The following LYRM2 variants were observed in gnomAD, a reference collection of about 807,000 sequenced individuals.
LYRM2 encodes the protein LYR motif containing 2.
In LYRM2, 8 loss-of-function variants were observed where a neutral mutation model predicts 11.6. The ratio of observed to expected loss-of-function variants is 0.69; its 90% CI spans 0.40 to 1.24. The LOEUF (loss-of-function observed/expected upper bound fraction) is 1.24, where lower values mean the gene tolerates loss of function less well. Ranked by LOEUF, LYRM2 falls within the 50% of genes most tolerant of loss-of-function variation. The probability of loss-of-function intolerance (pLI) is 0.01; values close to 1 mark genes in which losing one functional copy is unlikely to be tolerated. For missense variants in LYRM2, 117 were observed against 102.9 expected, an observed-to-expected ratio of 1.14 and a Z score of -0.59; for synonymous variants, 30 against 36.4, an observed-to-expected ratio of 0.83 and a Z score of 0.63.
At position 89,635,183 on chromosome 6, in the gene LYRM2, A is replaced by G. The variant is rs1375775972; in HGVS notation, c.*2090T>C. On this transcript the variant is annotated 3_prime_UTR_variant, in exon 3 of 3. Transcript: ENST00000523377. ...ACCACTGTTAGGAAGAGCATCATTA[A>G]ATCACTGACTTCTACACCCATAAAA... 6.6e-6 allele frequency: 1 copy of G among 152,200 alleles called. No homozygotes were observed. Among genetic ancestry groups the G allele is most frequent in the East Asian group, 1.9e-4 (1 of 5,200 alleles). The allele number at this position is 152,200 out of a possible 1,614,324, so 9.4% of individuals were successfully genotyped here.
At chr6:89,638,377 C>T in intron 1 of LYRM2, 2 of 1,336,694 alleles carry the variant, frequency 1.5e-6, no homozygotes, top group Non-Finnish European at 1.9e-6. Flanking sequence ...TTGCTGTTTG[C>T]CACAGCTCAG....
At chr6:89,638,039 A>G (rs1174127996) in intron 1 of LYRM2, among the ~76,000 whole-genome samples, 157 bp from the exon 2 acceptor site, 1 of 152,122 alleles carries the variant, frequency 6.6e-6, no homozygotes, top group Non-Finnish European at 1.5e-5. Flanking sequence ...GGCCAGATGC[A>G]GTGGCTCAGG....
rs1459254648 is a variant in LYRM2 at position 89,633,268 on chromosome 6, G to A, written c.*4005C>T. The A allele has an allele frequency of 6.6e-6, 1 of 152,214 alleles. No individual in the cohort carries two copies. Among genetic ancestry groups the A allele is most frequent in the East Asian group, 1.9e-4 (1 of 5,196 alleles). The allele number at this position is 152,214 out of a possible 1,614,324, so 9.4% of individuals were successfully genotyped here. ...GGCTCAGTCAGCATCCTCACCCAGA[G>A]ATGGCAACATCTATTAAGACCAATG... On this transcript the variant is annotated 3_prime_UTR_variant, in exon 3 of 3. Transcript: ENST00000523377.
rs917848406 is a variant in LYRM2 at position 89,636,680 on chromosome 6, G to GTTTTTTT, written c.*586_*592dup. 7.7e-6 allele frequency: 1 copy of GTTTTTTT among 129,504 alleles called. No individual in the cohort carries two copies. The allele number at this position is 129,504 out of a possible 1,614,324, so 8.0% of individuals were successfully genotyped here. A position where few individuals can be genotyped will look rare whatever the true frequency, so the allele number is the denominator to read the frequency against. ...TCTAGTGAATGTGAATCTCAGGGTTGTTTTTTTTTTTTTTTTTTAGAGACT... is the reference window on the plus strand; with the variant it reads ...TCTAGTGAATGTGAATCTCAGGGTTGTTTTTTTTTTTTTTTTTTTTTTTTTAGAGACT... On this transcript the variant is annotated 3_prime_UTR_variant, in exon 3 of 3. Transcript: ENST00000523377.
In LYRM2 at chr6:89,636,238, A is replaced by G. The variant is rs953458780; in HGVS notation, c.*1035T>C. On this transcript the variant is annotated 3_prime_UTR_variant, in exon 3 of 3. Coordinates refer to ENST00000523377, the MANE Select transcript of LYRM2 (RefSeq NM_020466.5). ...GTTGTGCAGCCTACACCACAAGCTAACTGTAGGATATTTTCATCACCCTGA... is the reference window on the plus strand; with the variant it reads ...GTTGTGCAGCCTACACCACAAGCTAGCTGTAGGATATTTTCATCACCCTGA... 2 of 152,338 alleles carry G rather than the reference A, an allele frequency of 1.3e-5. No individual in the cohort carries two copies. Among genetic ancestry groups the G allele is most frequent in the African/African-American group, 4.8e-5 (2 of 41,570 alleles). 9.4% of individuals were successfully genotyped at this position (152,338 alleles called of 1,614,324 possible). A position where few individuals can be genotyped will look rare whatever the true frequency, so the allele number is the denominator to read the frequency against.
chr6:89,632,705 C>A lies in LYRM2; in HGVS notation c.*4568G>T, dbSNP rs979733889. 1 of 152,162 alleles carries A rather than the reference C, an allele frequency of 6.6e-6. No homozygotes were observed. The highest frequency in any genetic ancestry group is 3.2e-3 in the Middle Eastern group (1 of 316). The allele number at this position is 152,162 out of a possible 1,614,324, so 9.4% of individuals were successfully genotyped here. A position where few individuals can be genotyped will look rare whatever the true frequency, so the allele number is the denominator to read the frequency against. On this transcript the variant is annotated 3_prime_UTR_variant, in exon 3 of 3. Coordinates refer to ENST00000523377, the MANE Select transcript of LYRM2 (RefSeq NM_020466.5). ...AACTACTACGCAGGTAGACAGTCTT[C>A]CCCCAGAGACTCATTAGATTGCAAT... is the stretch of plus-strand genomic sequence containing the variant.
At chr6:89,637,435 G>A in intron 2 of LYRM2, 82 bp from the exon 3 acceptor site, 1 of 886,816 alleles carries the variant, frequency 1.1e-6, no homozygotes, top group South Asian at 1.6e-5. Context: ...TTAAAATCAA[G>A]AACCAATACT....
intron 2 of LYRM2, 69 bp from the exon 3 acceptor site, chr6:89,637,422 C>G: frequency 9.7e-7 from 1 of 1,035,296 alleles, no homozygotes; most frequent in Non-Finnish European, 1.4e-6. Flanking sequence ...ACCATTTTAT[C>G]TGTTAAAATC....
chr6:89,638,220 G>T, intron 1 of LYRM2: 2 of 976,088 alleles, frequency 2.0e-6, no homozygotes, highest in Non-Finnish European at 2.6e-6. Flanking sequence ...TGATCTTTTT[G>T]CTTACTGCTC....
Position 89,637,280 on chromosome 6 carries a change from T to A in LYRM2, c.260A>T (p.Lys87Ile). Reference sequence around the variant, plus strand: ...TTCAGAATAATGCTATAGTTAAGATTTTGCTAAAGCAAGTGTTTTTTCTAA... The same window carrying A: ...TTCAGAATAATGCTATAGTTAAGATATTGCTAAAGCAAGTGTTTTTTCTAA... ...KELEKTLALA[K>I]S The change falls in exon 3 of 3, where the codon AAA becomes ATA. Residue 87 changes from lysine to isoleucine, a missense_variant. Physicochemically the swap from Lys to Ile is moderately radical, Grantham distance 102. Transcript: ENST00000523377. The A allele has an allele frequency of 6.7e-7, 1 of 1,499,340 alleles. No homozygotes were observed. The highest frequency in any genetic ancestry group is 1.4e-5 in the African/African-American group (1 of 72,694). 92.9% of individuals were successfully genotyped at this position (1,499,340 alleles called of 1,614,324 possible).
At position 89,638,695 on chromosome 6, in the gene LYRM2, G is replaced by A. The variant is rs1011408373; in HGVS notation, c.22C>T (p.Pro8Ser). ...ACCTGCTTTAACGTTAGCGTCGCTG[G>A]GGGTAAGCGGGAAGCAGCCATGTCC... is the stretch of plus-strand genomic sequence containing the variant. MAASRLP[P>S]ATLTLKQFVR... Residue 8 changes from proline (P) to serine (S), a missense_variant, in exon 1 of 3, where the codon CCA (proline) becomes TCA (serine). Pro to Ser is a moderately conservative substitution (Grantham distance 74). Transcript: ENST00000523377. 3 of 1,614,144 alleles carry A rather than the reference G, an allele frequency of 1.9e-6. No individual in the cohort carries two copies. Among genetic ancestry groups the A allele is most frequent in the South Asian group, 1.1e-5 (1 of 91,090 alleles).
At position 89,635,533 on chromosome 6, in the gene LYRM2, C is replaced by CA. The variant is rs774249850; in HGVS notation, c.*1739dup. ...ACATCCACATTCAGTTGATGCCTCTCAGACACAGTCCAGTACTGGATACCA... is the reference window on the plus strand; with the variant it reads ...ACATCCACATTCAGTTGATGCCTCTCAAGACACAGTCCAGTACTGGATACCA... On this transcript the variant is annotated 3_prime_UTR_variant, in exon 3 of 3. Coordinates refer to ENST00000523377, the MANE Select transcript of LYRM2 (RefSeq NM_020466.5). 1 of 152,284 alleles carries CA rather than the reference C, an allele frequency of 6.6e-6. No homozygotes were observed. The highest frequency in any genetic ancestry group is 1.5e-5 in the Non-Finnish European group (1 of 68,108). 9.4% of individuals were successfully genotyped at this position (152,284 alleles called of 1,614,324 possible). A position where few individuals can be genotyped will look rare whatever the true frequency, so the allele number is the denominator to read the frequency against.
rs950345772 is a variant in LYRM2 at position 89,632,244 on chromosome 6, G to T, written c.*5029C>A. 6.6e-6 allele frequency: 1 copy of T among 152,138 alleles called. No individual in the cohort carries two copies. The highest frequency in any genetic ancestry group is 1.5e-5 in the Non-Finnish European group (1 of 68,014). The allele number at this position is 152,138 out of a possible 1,614,324, so 9.4% of individuals were successfully genotyped here. A position where few individuals can be genotyped will look rare whatever the true frequency, so the allele number is the denominator to read the frequency against. On this transcript the variant is annotated 3_prime_UTR_variant, in exon 3 of 3. Transcript: ENST00000523377. ...GCTCATTGAGCCAAAGAGAAGAAAT[G>T]ATTTATTAACATGGGGACACCAAGA...
At chr6:89,638,155 AG>A (rs1287884435) in intron 1 of LYRM2, 1 of 643,248 alleles carries the variant, frequency 1.6e-6, no homozygotes, top group Non-Finnish European at 2.2e-6. Flanking sequence ...AGCCTGGGCG[AG>A]AGTGAGGCCC....
intron 1 of LYRM2, chr6:89,638,140 C>T: frequency 1.6e-6 from 1 of 609,476 alleles, no homozygotes; most frequent in Non-Finnish European, 2.5e-6. Context: ...TGCGCTACTG[C>T]ACTCAGCCTG....
At chr6:89,638,491 AGCCAGT>A in intron 1 of LYRM2, 175 bp downstream of exon 1, 1 of 1,517,284 alleles carries the variant, frequency 6.6e-7, no homozygotes, top group Non-Finnish European at 8.8e-7. Context: ...CCAAGGAAGC[AGCCAGT>A]GCCTCCCGTC....
At chr6:89,637,675 TAAA>T (rs543524750) in intron 2 of LYRM2, 64 bp downstream of exon 2, 2 of 1,281,918 alleles carry the variant, frequency 1.6e-6, no homozygotes, top group Admixed American at 4.3e-5. Context: ...CTGCTAAACT[TAAA>T]AAAAAAAATT....
chr6:89,634,326 C>G lies in LYRM2; in HGVS notation c.*2947G>C, dbSNP rs572877781. The G allele has an allele frequency of 1.3e-5, 2 of 151,896 alleles. No homozygotes were observed. Among genetic ancestry groups the G allele is most frequent in the Non-Finnish European group, 2.9e-5 (2 of 68,010 alleles). The allele number at this position is 151,896 out of a possible 1,614,324, so 9.4% of individuals were successfully genotyped here. On this transcript the variant is annotated 3_prime_UTR_variant, in exon 3 of 3. Transcript: ENST00000523377. ...GGAGAAATACTCTTTCCCTTTGATA[C>G]GACTATAATATTATAAACAGCAAGG... is the stretch of plus-strand genomic sequence containing the variant.
At position 89,634,373 on chromosome 6, in the gene LYRM2, T is replaced by C. The variant is rs1240559902; in HGVS notation, c.*2900A>G. ...AAGGAATATGTTCTGCTTTCTGCAA[T>C]TTTAGAAAGTCATTCCATTCTGGGT... On this transcript the variant is annotated 3_prime_UTR_variant, in exon 3 of 3. Transcript: ENST00000523377. 2.0e-5 allele frequency: 3 copies of C among 152,122 alleles called. No individual in the cohort carries two copies. Among genetic ancestry groups the C allele is most frequent in the African/African-American group, 7.2e-5 (3 of 41,434 alleles). 9.4% of individuals were successfully genotyped at this position (152,122 alleles called of 1,614,324 possible).
Sources: gnomAD v4.1 joint callset for allele counts (sites outside exome capture counted in the v4.1 genomes callset) on GRCh38, gnomAD v4.1.1 for gene constraint, MANE v1.5 for transcripts, NCBI Gene and HGNC (gene_info 2026-07-23, HGNC 2026-07-21) for gene names.